Variants in NPFFR2 observed in about 807,000 individuals in gnomAD.
The protein encoded by NPFFR2 is G-protein coupled receptor 74.
In NPFFR2, 15 loss-of-function variants were observed where a neutral mutation model predicts 13.1. That is an observed-to-expected ratio of 1.15 (90% CI 0.77 to 1.76). The LOEUF (loss-of-function observed/expected upper bound fraction) is 1.76, where lower values mean the gene tolerates loss of function less well. NPFFR2 is among the 40% of genes most tolerant of loss of function. The pLI, the probability that NPFFR2 is intolerant of heterozygous loss-of-function variation, is 0.00. For synonymous variants in NPFFR2, 190 were observed against 175.7 expected, an observed-to-expected ratio of 1.08 and a Z score of -0.65; for missense variants, 572 against 503.5, an observed-to-expected ratio of 1.14 and a Z score of -1.30.
chr4:72,120,480 G>A (rs373689294), intron 1 of NPFFR2, among the ~76,000 whole-genome samples: 5 of 152,328 alleles, frequency 3.3e-5, no homozygotes, highest in African/African-American at 9.6e-5. Context: ...CCCAGCAAGG[G>A]TTGACAGACA....
chr4:72,126,304 T>C (rs1173853024), intron 1 of NPFFR2, among the ~76,000 whole-genome samples: 1 of 152,246 alleles, frequency 6.6e-6, no homozygotes, highest in Non-Finnish European at 1.5e-5. Flanking sequence ...TTCAAATTTT[T>C]GTCCACTGCT....
At chr4:72,079,746 C>T (rs1185285050) in intron 1 of NPFFR2, among the ~76,000 whole-genome samples, 1 of 152,110 alleles carries the variant, frequency 6.6e-6, no homozygotes, top group Admixed American at 6.6e-5. Flanking sequence ...ATCAAAACAT[C>T]TCAAAACTCA....
chr4:72,117,145 C>T (rs1287721081), intron 1 of NPFFR2, among the ~76,000 whole-genome samples: 4 of 152,106 alleles, frequency 2.6e-5, no homozygotes, highest in South Asian at 2.1e-4. Context: ...AGCCTGTAAG[C>T]CAGGCTCCCT....
At chr4:72,076,668 G>A (rs929910746) in intron 1 of NPFFR2, among the ~76,000 whole-genome samples, 14 of 152,112 alleles carry the variant, frequency 9.2e-5, no homozygotes, top group Admixed American at 9.2e-4. Flanking sequence ...TTTTTCTTCA[G>A]GATGATTAAG....
rs143897345 is a variant in NPFFR2, at chr4:72,140,664, T to C, written c.428+2525T>C. ...TGTGCTGCTGGATTCTATTTGCCAG[T>C]ATTTCATTGAGGATTTCCGGATCGA... On this transcript the variant is annotated intron_variant, in intron 3 of 3. Transcript: ENST00000308744. 4.0e-4 allele frequency among the ~76,000 whole-genome samples: 61 copies of C among 152,322 alleles called. 1 individual carries two copies. In the East Asian group the frequency reaches 0.012, roughly 29 times the overall value.
chr4:72,080,857 C>G (rs1322381464), intron 1 of NPFFR2, among the ~76,000 whole-genome samples: 1 of 147,020 alleles, frequency 6.8e-6, no homozygotes, highest in East Asian at 1.9e-4. Flanking sequence ...TCACTTTCCT[C>G]TACTCCACCA....
At position 72,128,665 on chromosome 4, in the gene NPFFR2, A is replaced by T. The variant is rs767790869; in HGVS notation, c.74A>T (p.His25Leu). Residue 25 changes from histidine to leucine, a missense_variant, in exon 2 of 4, where the codon CAT becomes CTT. By Grantham distance (99) the His-to-Leu change is moderately conservative. Coordinates refer to ENST00000308744, the MANE Select transcript of NPFFR2 (RefSeq NM_004885.3). ...TGGAATGTCAATGACACAAAGCATC[A>T]TCTGTACTCAGATATTAATATTACC... ...PIWNVNDTKHHLYSDINITYV... is the reference protein window; with the variant it reads ...PIWNVNDTKHLLYSDINITYV... 4 of 1,613,916 alleles carry T rather than the reference A, an allele frequency of 2.5e-6. No homozygotes were observed.
chr4:72,147,505 A>G lies in NPFFR2; in HGVS notation c.956A>G (p.His319Arg), dbSNP rs1046994146. 9 of 1,614,062 alleles carry G rather than the reference A, an allele frequency of 5.6e-6. No homozygotes were observed. Among genetic ancestry groups the G allele is most frequent in the Non-Finnish European group, 7.6e-6 (9 of 1,180,038 alleles). The change falls in exon 4 of 4, where the codon CAC (histidine) becomes CGC (arginine). Residue 319 changes from histidine (H) to arginine (R), a missense_variant. Coordinates refer to ENST00000308744, the MANE Select transcript of NPFFR2 (RefSeq NM_004885.3). The stretch of plus-strand genomic sequence containing the variant: ...AACATCTACATCTACCCTTTTGCAC[A>G]CTGGCTGGCATTCGGCAACAGCAGT... ...IINIYIYPFA[H>R]WLAFGNSSVN...
intron 1 of NPFFR2, among the ~76,000 whole-genome samples, chr4:72,089,971 C>A (rs911213582): frequency 6.6e-6 from 1 of 151,986 alleles, no homozygotes; most frequent in Admixed American, 6.6e-5. Flanking sequence ...AGATTTAAGT[C>A]TTTGATCTAT....
chr4:72,105,567 C>T (rs1057380803), intron 1 of NPFFR2, among the ~76,000 whole-genome samples: 1 of 151,852 alleles, frequency 6.6e-6, no homozygotes, highest in Admixed American at 6.6e-5. Context: ...AAAATATCAC[C>T]TTAATACAAA....
chr4:72,050,009 G>C (rs1446425821), intron 1 of NPFFR2, among the ~76,000 whole-genome samples: 1 of 152,038 alleles, frequency 6.6e-6, no homozygotes, highest in African/African-American at 2.4e-5. Flanking sequence ...CATGATTAGA[G>C]GGTTGGAATT....
At chr4:72,102,461 T>G (rs1721281185) in intron 1 of NPFFR2, among the ~76,000 whole-genome samples, 1 of 152,000 alleles carries the variant, frequency 6.6e-6, no homozygotes, top group Non-Finnish European at 1.5e-5. Context: ...TGTGCCATGT[T>G]GGTGTGCTGC....
At chr4:72,136,561 C>G (rs1560422567) in intron 2 of NPFFR2, among the ~76,000 whole-genome samples, 1 of 152,168 alleles carries the variant, frequency 6.6e-6, no homozygotes, top group African/African-American at 2.4e-5. Context: ...AAATTCCCAA[C>G]TGTAAAAATC....
At chr4:72,123,319 C>A (rs1259608916) in intron 1 of NPFFR2, among the ~76,000 whole-genome samples, 1 of 152,124 alleles carries the variant, frequency 6.6e-6, no homozygotes, top group Non-Finnish European at 1.5e-5. Flanking sequence ...GATTCACAGC[C>A]GAATTCTACC....
At chr4:72,136,175 AT>A (rs2109841778) in intron 2 of NPFFR2, among the ~76,000 whole-genome samples, 1 of 152,174 alleles carries the variant, frequency 6.6e-6, no homozygotes, top group East Asian at 1.9e-4. Context: ...AGGCAACATA[AT>A]GAGACCCCAT....
chr4:72,035,623 A>G (rs1719022669), intron 1 of NPFFR2, among the ~76,000 whole-genome samples: 1 of 152,218 alleles, frequency 6.6e-6, no homozygotes, highest in Non-Finnish European at 1.5e-5. Flanking sequence ...GTTACAGCTA[A>G]GCATACCAGC....
chr4:72,103,644 C>T (rs192359155), intron 1 of NPFFR2, among the ~76,000 whole-genome samples: 1 of 151,924 alleles, frequency 6.6e-6, no homozygotes, highest in East Asian at 1.9e-4. Flanking sequence ...AATTGTATAT[C>T]ATCAAAAAAA....
intron 1 of NPFFR2, among the ~76,000 whole-genome samples, chr4:72,108,144 C>T (rs1721469532): frequency 6.6e-6 from 1 of 151,862 alleles, no homozygotes; most frequent in Non-Finnish European, 1.5e-5. Flanking sequence ...TGTTATATAC[C>T]ACAGCAGAGT....
At chr4:72,059,031 G>A (rs1166139713) in intron 1 of NPFFR2, among the ~76,000 whole-genome samples, 1 of 152,032 alleles carries the variant, frequency 6.6e-6, no homozygotes, top group African/African-American at 2.4e-5. Context: ...CCCTTTGGAG[G>A]GAATAGCTAT....
Sources: gnomAD v4.1 joint callset for allele counts (sites outside exome capture counted in the v4.1 genomes callset) on GRCh38, gnomAD v4.1.1 for gene constraint, MANE v1.5 for transcripts, NCBI Gene and HGNC (gene_info 2026-07-23, HGNC 2026-07-21) for gene names.